The following MIA2 variants were observed in gnomAD, a reference collection of about 807,000 sequenced individuals.
MIA2 encodes MIA SH3 domain ER export factor 2, also known as melanoma inhibitory activity protein 2.
MIA2 carries 127 observed loss-of-function variants against 167.8 expected under a neutral mutation model. That is an observed-to-expected ratio of 0.76 (90% CI 0.66 to 0.88). The LOEUF (loss-of-function observed/expected upper bound fraction) is 0.88. Ranked by LOEUF, MIA2 falls within the 40% of genes least tolerant of loss-of-function variation. The pLI is 0.00. For missense variants in MIA2, 1,690 were observed against 1,624.7 expected (o/e 1.04, Z -0.69); for synonymous variants, 552 against 541.9 (o/e 1.02, Z -0.26).
intron 9 of MIA2, among the ~76,000 whole-genome samples, chr14:39,289,594 A>G (rs1226445320): frequency 6.6e-6 from 1 of 152,200 alleles, no homozygotes; most frequent in African/African-American, 2.4e-5. Context: ...GTGTAAAACA[A>G]CACACATTTA....
chr14:39,368,031 C>A (rs2074858867), intron 23 of MIA2, among the ~76,000 whole-genome samples: 2 of 152,192 alleles, frequency 1.3e-5, no homozygotes, highest in South Asian at 4.2e-4. Context: ...TGGAAACTTG[C>A]TTTTTTCCCC....
At chr14:39,269,574 C>T (rs1020236853) in intron 6 of MIA2, among the ~76,000 whole-genome samples, 5 of 151,026 alleles carry the variant, frequency 3.3e-5, no homozygotes, top group African/African-American at 4.9e-5. Context: ...GGGGGGAGTG[C>T]AGTGGCTTGA....
intron 7 of MIA2, among the ~76,000 whole-genome samples, chr14:39,277,492 C>T (rs184200663): frequency 6.6e-6 from 1 of 151,176 alleles, no homozygotes; most frequent in Admixed American, 6.6e-5. Flanking sequence ...TGACACTGTA[C>T]TCCAGCCTGG....
intron 6 of MIA2, among the ~76,000 whole-genome samples, chr14:39,275,412 A>T (rs551450442): frequency 2.0e-5 from 3 of 152,232 alleles, no homozygotes; most frequent in Non-Finnish European, 4.4e-5. Context: ...AAGTGCTGGC[A>T]TGAGCCACTG....
At chr14:39,258,704 T>A (rs2054931500) in intron 6 of MIA2, among the ~76,000 whole-genome samples, 1 of 152,250 alleles carries the variant, frequency 6.6e-6, no homozygotes, top group Non-Finnish European at 1.5e-5. Flanking sequence ...GTGCTGGTTT[T>A]TCCTTATCTT....
intron 3 of MIA2, among the ~76,000 whole-genome samples, chr14:39,243,122 CA>C (rs112534680): frequency 0.28 from 35,417 of 127,282 alleles, 4,104 homozygotes; most frequent in South Asian, 0.41. Flanking sequence ...AACTTTGTCT[CA>C]AAAAAAAAAA....
chr14:39,362,361 G>T (rs1336692437), intron 23 of MIA2, among the ~76,000 whole-genome samples: 1 of 151,934 alleles, frequency 6.6e-6, no homozygotes, highest in East Asian at 1.9e-4. Flanking sequence ...ATTTAATTTT[G>T]GTACTTGTTA....
At chr14:39,363,415 A>C (rs2074740199) in intron 23 of MIA2, among the ~76,000 whole-genome samples, 1 of 152,218 alleles carries the variant, frequency 6.6e-6, no homozygotes, top group Admixed American at 6.5e-5. Flanking sequence ...CTGTAGTCCC[A>C]GCTACTCGGA....
intron 13 of MIA2, among the ~76,000 whole-genome samples, chr14:39,297,666 C>CGTGTGTGTGTGTGTGTGTGTGTGTGT (rs71435638): frequency 6.4e-5 from 9 of 140,074 alleles, no homozygotes; most frequent in African/African-American, 2.2e-4. Flanking sequence ...TAGGGTTTTG[C>CGTGTGTGTGTGTGTGTGTGTGTGTGT]GTGTGTGTGT....
intron 6 of MIA2, among the ~76,000 whole-genome samples, chr14:39,274,958 C>T (rs1332457874): frequency 1.3e-5 from 2 of 150,236 alleles, no homozygotes; most frequent in African/African-American, 2.4e-5. Flanking sequence ...ACCTGTAATC[C>T]CAGCTACTCG....
rs536587476 is a variant in MIA2 at position 39,342,266 on chromosome 14, G to GT, written c.3656-3632dup. On this transcript the variant is annotated intron_variant, in intron 25 of 28. Coordinates refer to ENST00000640607, the MANE Select transcript of MIA2 (RefSeq NM_001329214.4). Reference sequence around the variant, plus strand: ...TATGAGTGAGAACATGCAGTGTTTGGTTTTTTGTCCTTGCGATAGTTTGCT... The same window carrying GT: ...TATGAGTGAGAACATGCAGTGTTTGGTTTTTTTGTCCTTGCGATAGTTTGCT... Among the ~76,000 whole-genome samples the GT allele has an allele frequency of 2.9e-4, 43 of 150,820 alleles. 1 individual carries two copies. In the East Asian group the frequency reaches 8.1e-3, roughly 28 times the overall value.
chr14:39,287,700 C>T (rs2060011192), intron 9 of MIA2, among the ~76,000 whole-genome samples: 1 of 152,002 alleles, frequency 6.6e-6, no homozygotes, highest in Admixed American at 6.5e-5. Context: ...GTAGCTGGGA[C>T]TACAGTCATG....
At chr14:39,351,022 T>A (rs1567040476), downstream of MIA2, 1 of 152,122 alleles carries the variant, frequency 6.6e-6, no homozygotes, top group Non-Finnish European at 1.5e-5. Context: ...GATATTGAGA[T>A]GTACTACAGG....
intron 9 of MIA2, among the ~76,000 whole-genome samples, chr14:39,280,638 CAGG>C (rs551717397): frequency 1.9e-4 from 29 of 152,182 alleles, no homozygotes; most frequent in Admixed American, 1.5e-3. Context: ...GAGGCTGAGG[CAGG>C]AGAATGGCGT....
At chr14:39,332,350 T>C (rs2153018478) in intron 25 of MIA2, among the ~76,000 whole-genome samples, 1 of 152,292 alleles carries the variant, frequency 6.6e-6, no homozygotes, top group Admixed American at 6.5e-5. Flanking sequence ...CCTCTAACCT[T>C]TTATCAATGT....
downstream of MIA2, among the ~76,000 whole-genome samples, chr14:39,356,333 A>AT (rs2074524576): frequency 6.6e-6 from 1 of 152,026 alleles, no homozygotes; most frequent in South Asian, 2.1e-4. Context: ...TTTCTAGTTT[A>AT]TTTGCATAGA....
chr14:39,332,238 T>TATTG (rs913306755), intron 25 of MIA2, among the ~76,000 whole-genome samples: 120 of 152,322 alleles, frequency 7.9e-4, no homozygotes, highest in African/African-American at 2.7e-3. Flanking sequence ...AATTTGGCTA[T>TATTG]ATTGATACTT....
chr14:39,370,238 G>T (rs569984522), intron 23 of MIA2: 1 of 154,000 alleles, frequency 6.5e-6, no homozygotes, highest in African/African-American at 2.4e-5. Flanking sequence ...AAATCGGTAA[G>T]GCTTTTCTGG....
chr14:39,306,059 T>C (rs1263022577), intron 17 of MIA2, among the ~76,000 whole-genome samples: 4 of 152,202 alleles, frequency 2.6e-5, no homozygotes, highest in African/African-American at 9.6e-5. Context: ...TTAATTTCTT[T>C]ACGTGATTGT....
Sources: allele counts gnomAD v4.1 joint callset (sites outside exome capture counted in the v4.1 genomes callset), GRCh38; gene constraint gnomAD v4.1.1; transcripts MANE v1.5; gene names NCBI Gene and HGNC (gene_info 2026-07-23, HGNC 2026-07-21).